CHLSN: variants seen among roughly 807,000 people sequenced by gnomAD.
CHLSN encodes the protein cholesin.
At chr7:988,796 G>A in the CHLSN span, 1 of 1,590,558 alleles carries the variant, frequency 6.3e-7, no homozygotes, top group South Asian at 1.1e-5. Flanking sequence ...GAGGGCCCAG[G>A]CCCTGTGTGC....
chr7:988,587 A>G, the CHLSN span: 1 of 1,597,224 alleles, frequency 6.3e-7, no homozygotes, highest in Non-Finnish European at 8.5e-7. Flanking sequence ...CCTCCCCTCC[A>G]GGAGCAGGCC....
At chr7:1,080,407 G>A in the CHLSN span, among the ~76,000 whole-genome samples, 9 of 152,206 alleles carry the variant, frequency 5.9e-5, no homozygotes, top group African/African-American at 9.7e-5. Flanking sequence ...CATCTCAAGC[G>A]CAGGAGGCAC....
At chr7:1,121,378 C>T in the CHLSN span, among the ~76,000 whole-genome samples, 1 of 152,230 alleles carries the variant, frequency 6.6e-6, no homozygotes, top group Non-Finnish European at 1.5e-5. Flanking sequence ...CCCAAGAGTT[C>T]AATGACACAC....
chr7:985,381 G>A, the CHLSN span: 4 of 1,521,416 alleles, frequency 2.6e-6, no homozygotes, highest in East Asian at 9.9e-5. Flanking sequence ...TGGGCGTGCA[G>A]CAGGAGGACG....
At chr7:1,115,426 C>T in the CHLSN span, among the ~76,000 whole-genome samples, 1 of 152,266 alleles carries the variant, frequency 6.6e-6, no homozygotes, top group African/African-American at 2.4e-5. Context: ...GAGGCGCTCC[C>T]CATCACCTCC....
the CHLSN span, chr7:1,058,177 A>G: frequency 4.8e-3 from 3,587 of 740,280 alleles, 31 homozygotes; most frequent in Non-Finnish European, 7.5e-3. Context: ...ACGCCCCTGG[A>G]CCGGGACACG....
the CHLSN span, among the ~76,000 whole-genome samples, chr7:1,097,216 G>C: frequency 6.6e-6 from 1 of 152,160 alleles, no homozygotes; most frequent in Non-Finnish European, 1.5e-5. This position sits in a 1 kb window ranked among gnomAD's most constrained non-coding sequence, Gnocchi z 4.3. Flanking sequence ...GCCTGGCCCC[G>C]AACACTGCCA....
At chr7:1,028,352 T>C in the CHLSN span, 20 of 1,012,538 alleles carry the variant, frequency 2.0e-5, no homozygotes, top group African/African-American at 3.5e-4. Context: ...TCCAGCAGCC[T>C]CAGCGCCTCC....
At chr7:1,129,695 G>A in the CHLSN span, among the ~76,000 whole-genome samples, 66 of 152,256 alleles carry the variant, frequency 4.3e-4, no homozygotes, top group East Asian at 8.3e-3. Context: ...CCTCCGCCTC[G>A]GCCTCCGCAA....
At chr7:1,030,794 ACT>A in the CHLSN span, among the ~76,000 whole-genome samples, 16 of 149,926 alleles carry the variant, frequency 1.1e-4, no homozygotes, top group Middle Eastern at 3.4e-3. Context: ...GGCAGGTGGG[ACT>A]CTCTGGGCAG....
At chr7:1,010,190 G>A in the CHLSN span, 1 of 1,548,940 alleles carries the variant, frequency 6.5e-7, no homozygotes, top group Non-Finnish European at 8.7e-7. Context: ...AGGGTATCCA[G>A]AGACGGGTGC....
At chr7:1,050,053 G>A in the CHLSN span, among the ~76,000 whole-genome samples, 2 of 152,190 alleles carry the variant, frequency 1.3e-5, no homozygotes, top group Non-Finnish European at 2.9e-5. Flanking sequence ...CCTTGGCAGG[G>A]CCCCCTCAGC....
chr7:1,052,255 C>T, the CHLSN span, among the ~76,000 whole-genome samples: 1 of 152,242 alleles, frequency 6.6e-6, no homozygotes, highest in South Asian at 2.1e-4. The surrounding 1 kb of genome is among the most constrained non-coding windows in gnomAD (Gnocchi z 4.2). Context: ...GAGGCGTGCC[C>T]TCCTGAGAGG....
At chr7:1,068,260 C>A in the CHLSN span, among the ~76,000 whole-genome samples, 2 of 152,150 alleles carry the variant, frequency 1.3e-5, no homozygotes, top group Non-Finnish European at 2.9e-5. Context: ...ACGCCACACC[C>A]CTGGCACGGA....
chr7:992,145 G>A, the CHLSN span, among the ~76,000 whole-genome samples: 19 of 152,144 alleles, frequency 1.2e-4, no homozygotes, highest in Non-Finnish European at 2.1e-4. Context: ...CTCCCCGGAC[G>A]TCTGTCCTCA....
At chr7:1,069,418 T>C in the CHLSN span, among the ~76,000 whole-genome samples, 2 of 142,542 alleles carry the variant, frequency 1.4e-5, no homozygotes, top group Admixed American at 1.4e-4. Context: ...GAGCCGAAGC[T>C]GGACTGTACT....
the CHLSN span, among the ~76,000 whole-genome samples, chr7:1,030,513 C>T: frequency 1.3e-5 from 2 of 152,220 alleles, no homozygotes; most frequent in South Asian, 2.1e-4. Flanking sequence ...CTCCATCTCA[C>T]GCTTCCAGCT....
the CHLSN span, among the ~76,000 whole-genome samples, chr7:994,110 A>T: frequency 6.6e-6 from 1 of 152,148 alleles, no homozygotes; most frequent in Non-Finnish European, 1.5e-5. Flanking sequence ...TGTGATTCTG[A>T]CTTCCAAACA....
chr7:998,837 C>A, the CHLSN span, among the ~76,000 whole-genome samples: 1 of 152,120 alleles, frequency 6.6e-6, no homozygotes, highest in Admixed American at 6.6e-5. Context: ...TGTTGCCTCA[C>A]CCAAGGGCAC....
Sources: gnomAD v4.1 joint callset for allele counts (sites outside exome capture counted in the v4.1 genomes callset) on GRCh38, gnomAD v4.1.1 for gene constraint, Gnocchi (gnomAD v3.1) non-coding constraint, MANE v1.5 for transcripts, NCBI Gene and HGNC (gene_info 2026-07-23, HGNC 2026-07-21) for gene names.